Variants in CCNH observed in about 807,000 individuals in gnomAD.
The protein encoded by CCNH is cyclin H.
Under a neutral mutation model 41.9 loss-of-function variants are expected in CCNH, and 31 were observed. The ratio of observed to expected loss-of-function variants is 0.74; its 90% CI spans 0.56 to 1.00. The LOEUF is 1.00. Ranked by LOEUF, CCNH falls within the 50% of genes least tolerant of loss-of-function variation. The probability of loss-of-function intolerance (pLI) is 0.00; values close to 1 mark genes in which losing one functional copy is unlikely to be tolerated. For synonymous variants in CCNH, 138 were observed against 136.1 expected (o/e 1.01, Z -0.10); for missense variants, 362 against 388.4 (o/e 0.93, Z 0.57).
downstream of CCNH, among the ~76,000 whole-genome samples, chr5:87,315,717 T>A (rs2112318020): frequency 1.3e-5 from 2 of 152,358 alleles, no homozygotes; most frequent in South Asian, 4.1e-4. Flanking sequence ...TTATGTGCTA[T>A]TAAATAAGTA....
intron 9 of CCNH, chr5:87,333,459 T>C: frequency 6.9e-7 from 1 of 1,444,724 alleles, no homozygotes; most frequent in Non-Finnish European, 9.3e-7. Flanking sequence ...GTGAAAGAGC[T>C]TTTGATATTG....
chr5:87,318,269 TAGA>T (rs1057249469), downstream of CCNH: 2 of 152,110 alleles, frequency 1.3e-5, no homozygotes, highest in African/African-American at 4.8e-5. Context: ...TTTGGCCTGT[TAGA>T]GGAGGAGTTT....
At chr5:87,352,262 A>G (rs995046084) in intron 9 of CCNH, among the ~76,000 whole-genome samples, 1 of 151,512 alleles carries the variant, frequency 6.6e-6, no homozygotes, top group African/African-American at 2.4e-5. Flanking sequence ...TATTTGGTTT[A>G]AATTAACTTT....
chr5:87,392,998 A>G (rs139305397), downstream of CCNH: 3 of 152,094 alleles, frequency 2.0e-5, no homozygotes, highest in East Asian at 1.9e-4. Context: ...TGGAGGATTT[A>G]TAACTTTTGG....
chr5:87,369,474 T>C (rs574488517), intron 9 of CCNH, among the ~76,000 whole-genome samples: 2 of 152,292 alleles, frequency 1.3e-5, no homozygotes, highest in Admixed American at 6.5e-5. Context: ...TTCTAGTCTT[T>C]TTCCAGTGCA....
intron 9 of CCNH, among the ~76,000 whole-genome samples, chr5:87,330,643 T>G (rs1757537187): frequency 6.6e-6 from 1 of 152,208 alleles, no homozygotes; most frequent in African/African-American, 2.4e-5. Flanking sequence ...TACAGCCAGT[T>G]TCTTAAGTAG....
At chr5:87,412,602 T>C in intron 1 of CCNH, 76 bp downstream of exon 1, 1 of 1,573,404 alleles carries the variant, frequency 6.4e-7, no homozygotes, top group East Asian at 2.3e-5. Flanking sequence ...GAGATTGTCC[T>C]GGGAGCCAGA....
At chr5:87,330,833 G>A (rs1757548444) in intron 9 of CCNH, 3 of 606,110 alleles carry the variant, frequency 4.9e-6, no homozygotes, top group Non-Finnish European at 7.4e-6. Flanking sequence ...TCAGCTTCAC[G>A]TTCAAACAGG....
chr5:87,396,273 A>G (rs556535292), intron 7 of CCNH, among the ~76,000 whole-genome samples: 1 of 152,124 alleles, frequency 6.6e-6, no homozygotes, highest in South Asian at 2.1e-4. Flanking sequence ...CCTGAAACCA[A>G]TCCCCCATGG....
At chr5:87,338,197 A>G in intron 9 of CCNH, 1 of 1,541,598 alleles carries the variant, frequency 6.5e-7, no homozygotes, top group South Asian at 1.2e-5. Flanking sequence ...CTTTTATAAA[A>G]GAACTTAATT....
chr5:87,349,480 A>C, intron 9 of CCNH: 1 of 1,204,636 alleles, frequency 8.3e-7, no homozygotes. Flanking sequence ...AAATTATAAG[A>C]CCTTCAATAT....
chr5:87,402,663 TC>T (rs1355139228), intron 5 of CCNH, among the ~76,000 whole-genome samples: 2 of 152,156 alleles, frequency 1.3e-5, no homozygotes, highest in African/African-American at 4.8e-5. Flanking sequence ...TGATATTACA[TC>T]ATCATCATCT....
Position 87,409,301 on chromosome 5 carries a change from G to T in CCNH, c.303C>A (p.Pro101=), listed in dbSNP as rs1764037464. Residue 101 remains proline, a synonymous_variant, in exon 3 of 9, where the codon CCC becomes CCA. Transcript: ENST00000256897. ...YLNNSVMEYH[P]RIIMLTCAFL... is the part of the protein sequence containing the mutation. ...ACAGACATACTCACATTATTATCCTGGGGTGATATTCCATTACTGAGTTAT... is the reference window on the plus strand; with the variant it reads ...ACAGACATACTCACATTATTATCCTTGGGTGATATTCCATTACTGAGTTAT... 7 of 1,545,272 alleles carry T rather than the reference G, an allele frequency of 4.5e-6. No individual in the cohort carries two copies. Among genetic ancestry groups the T allele is most frequent in the Non-Finnish European group, 6.3e-6 (7 of 1,118,996 alleles).
At chr5:87,387,634 A>C (rs1554050702), downstream of CCNH, among the ~76,000 whole-genome samples, 2 of 152,158 alleles carry the variant, frequency 1.3e-5, no homozygotes, top group Non-Finnish European at 2.9e-5. Flanking sequence ...TTGGAGATTG[A>C]GGTGTCCATG....
At position 87,411,483 on chromosome 5, in the gene CCNH, A is replaced by G. The variant is rs3093783; in HGVS notation, c.118-137T>C. 1.6e-5 allele frequency: 11 copies of G among 695,184 alleles called. No homozygotes were observed. In the African/African-American group the frequency reaches 2.0e-4, roughly 13 times the overall value. 43.1% of individuals were successfully genotyped at this position (695,184 alleles called of 1,614,324 possible). A position where few individuals can be genotyped will look rare whatever the true frequency, so the allele number is the denominator to read the frequency against. ...ATATCACGCCTCATTTTCTTTATAG[A>G]TTCGCTAATCATTACACAAAATAGC... On this transcript the variant is annotated intron_variant, in intron 1 of 8. Transcript: ENST00000256897.
chr5:87,363,325 A>G, intron 9 of CCNH: 1 of 1,578,212 alleles, frequency 6.3e-7, no homozygotes, highest in Non-Finnish European at 8.7e-7. Flanking sequence ...GGCTAAGAGA[A>G]AACAATTTTT....
At chr5:87,337,868 A>G in intron 9 of CCNH, 1 of 1,224,578 alleles carries the variant, frequency 8.2e-7, no homozygotes, top group Non-Finnish European at 1.1e-6. Flanking sequence ...AATTCCTTAC[A>G]TTTTTCAATA....
chr5:87,342,595 A>G (rs1056318744), intron 9 of CCNH, among the ~76,000 whole-genome samples: 1 of 152,194 alleles, frequency 6.6e-6, no homozygotes, highest in Non-Finnish European at 1.5e-5. Flanking sequence ...TCGTTGCTAG[A>G]GATCAAGGTA....
At chr5:87,345,403 G>A (rs1758788907) in intron 9 of CCNH, among the ~76,000 whole-genome samples, 1 of 151,968 alleles carries the variant, frequency 6.6e-6, no homozygotes, top group East Asian at 1.9e-4. Context: ...TAGCCTTGGA[G>A]GTCAGGTCAT....
Sources: allele counts gnomAD v4.1 joint callset (sites outside exome capture counted in the v4.1 genomes callset), GRCh38; gene constraint gnomAD v4.1.1; transcripts MANE v1.5; gene names NCBI Gene and HGNC (gene_info 2026-07-23, HGNC 2026-07-21).